NBEA: variants seen among roughly 807,000 people sequenced by gnomAD.
The protein encoded by NBEA is lysosomal-trafficking regulator 2.
Under a neutral mutation model 343.4 loss-of-function variants are expected in NBEA, and 44 were observed. The observed-to-expected ratio is 0.13, with a 90% CI of 0.10 to 0.16. The LOEUF is 0.16. NBEA is among the 10% of genes least tolerant of loss of function. NBEA has a pLI of 1.00. For synonymous variants in NBEA, 1,175 were observed against 1,238.7 expected (o/e 0.95, Z 1.08); for missense variants, 2,555 against 3,631.3 (o/e 0.70, Z 7.62).
At chr13:35,443,609 G>C (rs2045853361) in intron 39 of NBEA, among the ~76,000 whole-genome samples, 1 of 151,846 alleles carries the variant, frequency 6.6e-6, no homozygotes, top group Non-Finnish European at 1.5e-5. Flanking sequence ...TAAATACTCA[G>C]ATTTTTACCT....
intron 35 of NBEA, among the ~76,000 whole-genome samples, chr13:35,300,312 A>G (rs1156959657): frequency 1.3e-5 from 2 of 152,166 alleles, no homozygotes; most frequent in African/African-American, 4.8e-5. Flanking sequence ...TGACAAAGCG[A>G]GACTCTGTCT....
intron 1 of NBEA, among the ~76,000 whole-genome samples, chr13:34,956,313 A>G (rs2059488636): frequency 6.6e-6 from 1 of 152,080 alleles, no homozygotes; most frequent in Admixed American, 6.5e-5. Flanking sequence ...CCATTTATAA[A>G]AAATGAAATT....
At chr13:34,975,163 TG>T (rs1254514552) in intron 1 of NBEA, among the ~76,000 whole-genome samples, 1 of 152,134 alleles carries the variant, frequency 6.6e-6, no homozygotes, top group African/African-American at 2.4e-5. Flanking sequence ...TTAAGTTCTG[TG>T]AGAAAATTAC....
intron 41 of NBEA, among the ~76,000 whole-genome samples, chr13:35,519,592 G>A (rs912437654): frequency 6.6e-6 from 1 of 152,074 alleles, no homozygotes; most frequent in Non-Finnish European, 1.5e-5. Flanking sequence ...ATGTAGACAT[G>A]AATATTTCTT....
At chr13:35,665,679 T>C (rs1002097256) in intron 56 of NBEA, among the ~76,000 whole-genome samples, 3 of 152,156 alleles carry the variant, frequency 2.0e-5, no homozygotes, top group African/African-American at 7.2e-5. Flanking sequence ...CAGGCTGGGG[T>C]GCAATGGTGC....
rs555683173 is a variant in NBEA at position 34,987,399 on chromosome 13, C to T, written c.294+44285C>T. 5.4e-4 allele frequency among the ~76,000 whole-genome samples: 81 copies of T among 150,912 alleles called. 2 individuals carry two copies. Among genetic ancestry groups the T allele is most frequent in the African/African-American group, 8.0e-4 (33 of 41,420 alleles). On this transcript the variant is annotated intron_variant, in intron 1 of 58. Coordinates refer to ENST00000379939, the MANE Select transcript of NBEA (RefSeq NM_001385012.1). ...GATGGGCTTCCCTTTGTGGGTAACCCGACCTTTCTCTCTGGCTGCCCTTAA... is the reference window on the plus strand; with the variant it reads ...GATGGGCTTCCCTTTGTGGGTAACCTGACCTTTCTCTCTGGCTGCCCTTAA...
intron 1 of NBEA, among the ~76,000 whole-genome samples, chr13:35,024,291 C>T (rs546205535): frequency 4.6e-5 from 7 of 152,174 alleles, no homozygotes; most frequent in South Asian, 2.1e-4. Context: ...AATAGTGCTG[C>T]GATGAACATA....
At chr13:35,460,909 A>G (rs921778578) in intron 40 of NBEA, among the ~76,000 whole-genome samples, 15 of 152,224 alleles carry the variant, frequency 9.9e-5, no homozygotes, top group Admixed American at 5.9e-4. Flanking sequence ...TCTTGCTGGT[A>G]GGGACTCTCT....
At chr13:35,318,740 T>C (rs939032153) in intron 36 of NBEA, among the ~76,000 whole-genome samples, 3 of 152,166 alleles carry the variant, frequency 2.0e-5, no homozygotes, top group Non-Finnish European at 4.4e-5. Context: ...CTGGGCTTTT[T>C]TTGTTGTTGT....
At chr13:35,388,918 C>T (rs1388712562) in intron 38 of NBEA, among the ~76,000 whole-genome samples, 1 of 151,472 alleles carries the variant, frequency 6.6e-6, no homozygotes, top group Admixed American at 6.6e-5. Flanking sequence ...TTAGATCCTC[C>T]ACTTTTGACA....
chr13:35,297,860 G>A (rs901232731), intron 35 of NBEA, among the ~76,000 whole-genome samples: 3 of 151,736 alleles, frequency 2.0e-5, no homozygotes, highest in Non-Finnish European at 4.4e-5. Flanking sequence ...AATGTAAAAT[G>A]TGCCATTTTT....
chr13:35,138,381 A>G (rs985382883), intron 17 of NBEA, among the ~76,000 whole-genome samples: 2 of 152,112 alleles, frequency 1.3e-5, no homozygotes, highest in African/African-American at 4.8e-5. Flanking sequence ...GTCTAAAGGA[A>G]AAGTTTATTT....
At chr13:35,419,855 G>T (rs1298861429) in intron 38 of NBEA, among the ~76,000 whole-genome samples, 3 of 151,928 alleles carry the variant, frequency 2.0e-5, no homozygotes, top group Admixed American at 6.6e-5. Flanking sequence ...CCTCCATCAG[G>T]TCCCACAGTA....
At chr13:35,514,576 A>C (rs968734359) in intron 41 of NBEA, among the ~76,000 whole-genome samples, 4 of 152,060 alleles carry the variant, frequency 2.6e-5, no homozygotes, top group African/African-American at 9.7e-5. Context: ...ATTTTTATTA[A>C]TTTTTGAGAA....
intron 35 of NBEA, among the ~76,000 whole-genome samples, chr13:35,298,512 A>G (rs560926551): frequency 2.0e-4 from 30 of 151,942 alleles, no homozygotes; most frequent in African/African-American, 7.0e-4. Flanking sequence ...ATCTTAAACT[A>G]CACATTTGAA....
At chr13:35,019,424 A>C (rs919642428) in intron 1 of NBEA, among the ~76,000 whole-genome samples, 13 of 151,376 alleles carry the variant, frequency 8.6e-5, no homozygotes, top group Admixed American at 1.3e-4. Flanking sequence ...CAGGCTCCCG[A>C]GTAGCTGGGA....
chr13:35,407,214 C>G lies in NBEA; in HGVS notation c.6180-25055C>G, dbSNP rs191028486. On this transcript the variant is annotated intron_variant, in intron 38 of 58. Transcript: ENST00000379939. ...TCCTGACCTCCAGGGATCCACCTGC[C>G]TCAGCCTCCCAAAGTGCTGGGATTA... 5.1e-3 allele frequency among the ~76,000 whole-genome samples: 771 copies of G among 152,112 alleles called. 6 individuals are homozygous for G. The highest frequency in any genetic ancestry group is 0.025 in the South Asian group (121 of 4,824).
intron 1 of NBEA, among the ~76,000 whole-genome samples, chr13:35,022,603 T>C (rs1009024635): frequency 6.6e-6 from 1 of 152,150 alleles, no homozygotes; most frequent in Non-Finnish European, 1.5e-5. Flanking sequence ...ATTATACATG[T>C]TGATGGGGGC....
chr13:35,451,248 C>T (rs1316957171), intron 39 of NBEA, among the ~76,000 whole-genome samples: 2 of 152,062 alleles, frequency 1.3e-5, no homozygotes, highest in East Asian at 1.9e-4. Flanking sequence ...CTGGGCCTCC[C>T]GGGTAGCTGG....
Sources: gnomAD v4.1 joint callset for allele counts (sites outside exome capture counted in the v4.1 genomes callset) on GRCh38, gnomAD v4.1.1 for gene constraint, MANE v1.5 for transcripts, NCBI Gene and HGNC (gene_info 2026-07-23, HGNC 2026-07-21) for gene names.